The following DENND6A variants were observed in gnomAD, a reference collection of about 807,000 sequenced individuals.
The protein encoded by DENND6A is protein DENND6A.
A neutral mutation model predicts 95.5 loss-of-function variants in DENND6A; 43 were observed. The observed-to-expected ratio is 0.45, with a 90% CI of 0.35 to 0.58. The LOEUF (loss-of-function observed/expected upper bound fraction) is 0.58. DENND6A is among the 20% of genes least tolerant of loss of function. DENND6A has a pLI of 0.00. For synonymous variants in DENND6A, 257 were observed against 260.4 expected (o/e 0.99, Z 0.13); for missense variants, 574 against 736.0 (o/e 0.78, Z 2.55).
In DENND6A at chr3:57,693,032, A is replaced by C. The variant is rs2077286636; in HGVS notation, c.-14T>G. On this transcript the variant is annotated 5_prime_UTR_variant, in exon 1 of 20. Transcript: ENST00000311128. ...CCTCAAAGCCATCGGCCGCCCCCTG[A>C]CCGTTCGCGCCGCCTCCACAGCGGA... 1.4e-6 allele frequency: 2 copies of C among 1,399,512 alleles called. No homozygotes were observed. Among genetic ancestry groups the C allele is most frequent in the Non-Finnish European group, 1.8e-6 (2 of 1,087,072 alleles). 86.7% of individuals were successfully genotyped at this position (1,399,512 alleles called of 1,614,324 possible). A position where few individuals can be genotyped will look rare whatever the true frequency, so the allele number is the denominator to read the frequency against.
At chr3:57,631,286 C>A in intron 15 of DENND6A, 1 of 221,948 alleles carries the variant, frequency 4.5e-6, no homozygotes, top group Non-Finnish European at 8.8e-6. Context: ...AACCTCTGCC[C>A]CCCGGGTTCA....
At position 57,628,131 on chromosome 3, in the gene DENND6A, G is replaced by A. The variant is rs2070572485; in HGVS notation, c.*83C>T. 5.9e-6 allele frequency: 9 copies of A among 1,536,356 alleles called. No homozygotes were observed. The highest frequency in any genetic ancestry group is 7.9e-6 in the Non-Finnish European group (9 of 1,140,736). On this transcript the variant is annotated 3_prime_UTR_variant, in exon 20 of 20. Transcript: ENST00000311128. ...CAATTTTCCACTCCGCTGCCACTGAGAGATCTCCTTTGTGCGTCTGGTTGA... is the reference window on the plus strand; with the variant it reads ...CAATTTTCCACTCCGCTGCCACTGAAAGATCTCCTTTGTGCGTCTGGTTGA...
chr3:57,681,110 A>G (rs1204996019), intron 1 of DENND6A, among the ~76,000 whole-genome samples: 1 of 152,180 alleles, frequency 6.6e-6, no homozygotes, highest in Admixed American at 6.5e-5. Flanking sequence ...AGCATTATTC[A>G]TAATAGCCAA....
At chr3:57,638,003 G>A (rs575630580) in intron 12 of DENND6A, among the ~76,000 whole-genome samples, 32 of 151,294 alleles carry the variant, frequency 2.1e-4, no homozygotes, top group East Asian at 3.9e-4. Context: ...GTGTGGTGGC[G>A]CACACCTGTA....
At chr3:57,680,550 T>C (rs1403328530) in intron 1 of DENND6A, among the ~76,000 whole-genome samples, 1 of 152,232 alleles carries the variant, frequency 6.6e-6, no homozygotes, top group African/African-American at 2.4e-5. Flanking sequence ...ATCTTGGACT[T>C]GTGAGCCTCC....
intron 3 of DENND6A, among the ~76,000 whole-genome samples, chr3:57,668,238 G>A (rs2071557000): frequency 6.6e-6 from 1 of 152,154 alleles, no homozygotes; most frequent in South Asian, 2.1e-4. Context: ...TTTAGCAACT[G>A]GGAAGTGTAA....
chr3:57,642,616 G>A (rs1388267714), intron 11 of DENND6A, among the ~76,000 whole-genome samples: 3 of 152,138 alleles, frequency 2.0e-5, no homozygotes, highest in Non-Finnish European at 4.4e-5. Context: ...AGCCATGTTA[G>A]TATGCTAAGA....
chr3:57,666,183 C>T lies in DENND6A; in HGVS notation c.372G>A (p.Arg124=). 6.2e-7 allele frequency: 1 copy of T among 1,613,948 alleles called. No individual in the cohort carries two copies. The highest frequency in any genetic ancestry group is 8.5e-7 in the Non-Finnish European group (1 of 1,179,898). The change falls in exon 4 of 20, where the codon AGG becomes AGA. Residue 124 remains arginine (R), a synonymous_variant. Coordinates refer to ENST00000311128, the MANE Select transcript of DENND6A (RefSeq NM_152678.3). ...FCFRFRQSSG[R]RVSLHCLLDQ... ...CCAGGAGACAATGCAGCGACACCCTCCTCCCAGAAGACTGTCGAAATCTAA... is the reference window on the plus strand; with the variant it reads ...CCAGGAGACAATGCAGCGACACCCTTCTCCCAGAAGACTGTCGAAATCTAA...
chr3:57,660,510 A>C (rs2153415489), intron 7 of DENND6A, among the ~76,000 whole-genome samples: 1 of 152,206 alleles, frequency 6.6e-6, no homozygotes, highest in East Asian at 1.9e-4. Flanking sequence ...AAAAGATCAC[A>C]ATTAGCCTAG....
intron 1 of DENND6A, among the ~76,000 whole-genome samples, chr3:57,687,238 G>A (rs2077218961): frequency 6.6e-6 from 1 of 152,180 alleles, no homozygotes; most frequent in South Asian, 2.1e-4. Context: ...CAGCCTTACT[G>A]CTAATGTGGA....
At chr3:57,646,681 G>T (rs531120617) in intron 9 of DENND6A, among the ~76,000 whole-genome samples, 1 of 152,182 alleles carries the variant, frequency 6.6e-6, no homozygotes, top group Non-Finnish European at 1.5e-5. Flanking sequence ...GTAATATATT[G>T]ACACACAGAA....
At chr3:57,650,421 T>TAC (rs67472290) in intron 9 of DENND6A, among the ~76,000 whole-genome samples, 24,661 of 149,786 alleles carry the variant, frequency 0.16, 2,023 homozygotes, top group South Asian at 0.26. Flanking sequence ...TGCATTTACA[T>TAC]ACACACACAC....
Position 57,630,742 on chromosome 3 carries a change from A to G in DENND6A, c.1490T>C (p.Ile497Thr). ...GTAAAGTCCAATCCAATCGCCTTTT[A>G]TTCTAGAGGTTAGCTGAGGTCCTGT... ...EKTGPQLTSR[I>T]KGDWIGLYRH... Residue 497 changes from isoleucine (I) to threonine (T), a missense_variant, in exon 17 of 20, where the codon ATA becomes ACA. Ile to Thr is a moderately conservative substitution (Grantham distance 89). Transcript: ENST00000311128. 6.2e-7 allele frequency: 1 copy of G among 1,614,012 alleles called. No homozygotes were observed. The highest frequency in any genetic ancestry group is 8.5e-7 in the Non-Finnish European group (1 of 1,179,964).
At chr3:57,651,063 C>T (rs772913311) in intron 9 of DENND6A, among the ~76,000 whole-genome samples, 1 of 151,912 alleles carries the variant, frequency 6.6e-6, no homozygotes, top group African/African-American at 2.4e-5. Context: ...GGATTACAGG[C>T]GTGAGCCACT....
rs374656731 is a variant in DENND6A at position 57,655,036 on chromosome 3, A to ATT, written c.818+2642_818+2643dup. 4.9e-3 allele frequency: 730 copies of ATT among 149,840 alleles called. 3 individuals carry two copies. Among genetic ancestry groups the ATT allele is most frequent in the African/African-American group, 0.017 (682 of 39,998 alleles). The allele number at this position is 149,840 out of a possible 1,614,324, so 9.3% of individuals were successfully genotyped here. A position where few individuals can be genotyped will look rare whatever the true frequency, so the allele number is the denominator to read the frequency against. On this transcript the variant is annotated intron_variant, in intron 9 of 19. Transcript: ENST00000311128. ...TTTTCTCATCTCTTGGAAAACAAGA[A>ATT]TTTTTTTTTTTTTTTGAGATGGAGT... is the stretch of plus-strand genomic sequence containing the variant.
At chr3:57,689,736 G>GC (rs1269049910) in intron 1 of DENND6A, among the ~76,000 whole-genome samples, 1 of 152,142 alleles carries the variant, frequency 6.6e-6, no homozygotes, top group Non-Finnish European at 1.5e-5. Context: ...CTTTTTCACT[G>GC]AAGTGGCTAA....
At chr3:57,664,307 G>A (rs751181782) in intron 4 of DENND6A, among the ~76,000 whole-genome samples, 8 of 152,080 alleles carry the variant, frequency 5.3e-5, no homozygotes, top group Non-Finnish European at 1.0e-4. Context: ...TAATAATGAA[G>A]CATAACAATG....
intron 6 of DENND6A, 64 bp downstream of exon 6, chr3:57,661,381 AT>A: frequency 2.5e-6 from 3 of 1,212,522 alleles, no homozygotes; most frequent in Non-Finnish European, 2.2e-6. Context: ...AATCAACTTC[AT>A]TTTTATCACT....
chr3:57,657,740 G>C lies in DENND6A; in HGVS notation c.763-5C>G. Reference sequence around the variant, plus strand: ...AACAGATATATTTGTGTCCACCTGAGAGATAGAAAAGAAAAATAAAAGAAG... The same window carrying C: ...AACAGATATATTTGTGTCCACCTGACAGATAGAAAAGAAAAATAAAAGAAG... On this transcript the variant is annotated splice_polypyrimidine_tract_variant and splice_region_variant and intron_variant, in intron 8 of 19. Transcript: ENST00000311128. 1 of 1,563,560 alleles carries C rather than the reference G, an allele frequency of 6.4e-7. No individual in the cohort carries two copies. Among genetic ancestry groups the C allele is most frequent in the African/African-American group, 1.4e-5 (1 of 72,784 alleles).
Sources: gnomAD v4.1 joint callset for allele counts (sites outside exome capture counted in the v4.1 genomes callset) on GRCh38, gnomAD v4.1.1 for gene constraint, MANE v1.5 for transcripts, NCBI Gene and HGNC (gene_info 2026-07-23, HGNC 2026-07-21) for gene names.